The following RYR2 variants were observed in gnomAD, a reference collection of about 807,000 sequenced individuals.
RYR2 encodes the protein ryanodine receptor 2.
A neutral mutation model predicts 601.1 loss-of-function variants in RYR2; 227 were observed. The observed-to-expected ratio is 0.38, with a 90% CI of 0.34 to 0.42. The LOEUF (loss-of-function observed/expected upper bound fraction) is 0.42. Among genes scored for constraint, RYR2 ranks in the 10% least tolerant of loss-of-function variants. RYR2 has a pLI of 1.00. For missense variants in RYR2, 4,646 were observed against 6,156.5 expected, an observed-to-expected ratio of 0.75 and a Z score of 8.21; for synonymous variants, 2,223 against 2,175.1, an observed-to-expected ratio of 1.02 and a Z score of -0.61.
In RYR2 at chr1:237,506,812, C is replaced by G. The variant is rs754520058; in HGVS notation, c.2716C>G (p.Pro906Ala). Reference protein sequence around the residue: ...NKIELGWQYGPVRDDNKRQHP... With the variant: ...NKIELGWQYGAVRDDNKRQHP... ...AATTGAGCTTGGCTGGCAGTATGGTCCGGTATGTAATTTTGAAATTTATTT... is the reference window on the plus strand; with the variant it reads ...AATTGAGCTTGGCTGGCAGTATGGTGCGGTATGTAATTTTGAAATTTATTT... The change falls in exon 23 of 105, where the codon CCG becomes GCG. Residue 906 changes from proline (P) to alanine (A), a missense_variant and splice_region_variant. By Grantham distance (27) the Pro-to-Ala change is conservative (BLOSUM62 -1). Around this residue, in one of 17 missense-constraint regions of RYR2, gnomAD observed 1,807 missense variants for 2,088.1 expected, o/e 0.87. Coordinates refer to ENST00000366574, the MANE Select transcript of RYR2 (RefSeq NM_001035.3). The G allele has an allele frequency of 9.9e-6, 16 of 1,610,118 alleles. No homozygotes were observed. Among genetic ancestry groups the G allele is most frequent in the Middle Eastern group, 1.6e-4 (1 of 6,080 alleles).
intron 11 of RYR2, among the ~76,000 whole-genome samples, chr1:237,419,062 T>A (rs1165327799): frequency 6.6e-6 from 1 of 152,056 alleles, no homozygotes; most frequent in African/African-American, 2.4e-5. Context: ...CATTGTGTAT[T>A]ATAAAAATGA....
chr1:237,773,409 T>A (rs1252273584), intron 86 of RYR2, 111 bp from the exon 87 acceptor site: 7 of 658,138 alleles, frequency 1.1e-5, no homozygotes, highest in Non-Finnish European at 1.8e-5. Context: ...TTTTGTTTGC[T>A]ACCATATCTA....
At chr1:237,693,854 C>T (rs1325916002) in intron 63 of RYR2, among the ~76,000 whole-genome samples, 1 of 152,132 alleles carries the variant, frequency 6.6e-6, no homozygotes, top group East Asian at 1.9e-4. Context: ...TATGTTGATA[C>T]TTCTAATATC....
intron 1 of RYR2, among the ~76,000 whole-genome samples, chr1:237,171,036 C>G (rs1317921519): frequency 6.6e-6 from 1 of 151,824 alleles, no homozygotes; most frequent in African/African-American, 2.4e-5. Flanking sequence ...AGATCGAGAC[C>G]ATCCTGGCTA....
chr1:237,753,906 G>A (rs1692732640), intron 80 of RYR2, among the ~76,000 whole-genome samples: 1 of 149,436 alleles, frequency 6.7e-6, no homozygotes, highest in African/African-American at 2.5e-5. Flanking sequence ...AAAATTTTCT[G>A]GTTTAGCTTT....
chr1:237,753,234 A>G (rs1692682120), intron 80 of RYR2, among the ~76,000 whole-genome samples: 2 of 152,194 alleles, frequency 1.3e-5, no homozygotes, highest in African/African-American at 4.8e-5. Context: ...CTTTGCACCA[A>G]CTTAATATTT....
intron 10 of RYR2, among the ~76,000 whole-genome samples, chr1:237,416,376 C>T (rs145973022): frequency 1.6e-4 from 24 of 152,242 alleles, no homozygotes; most frequent in Non-Finnish European, 2.5e-4. Flanking sequence ...GGCGTTGGTG[C>T]AGTCATGAAT....
chr1:237,696,565 C>T (rs1687458847), intron 63 of RYR2, among the ~76,000 whole-genome samples: 1 of 142,738 alleles, frequency 7.0e-6, no homozygotes, highest in Admixed American at 7.2e-5. Context: ...CAATCAATTG[C>T]CTATTCTACA....
At chr1:237,123,650 ATTTTTTTTT>A (rs869177997) in intron 1 of RYR2, among the ~76,000 whole-genome samples, 10 of 78,966 alleles carry the variant, frequency 1.3e-4, no homozygotes, top group Non-Finnish European at 1.6e-4. Flanking sequence ...ATCAGTCACT[ATTTTTTTTT>A]TTTTTTTTTT....
intron 101 of RYR2, among the ~76,000 whole-genome samples, chr1:237,821,471 G>C (rs1198364911): frequency 6.6e-6 from 1 of 152,088 alleles, no homozygotes; most frequent in African/African-American, 2.4e-5. Context: ...GAAAGGAATA[G>C]TATCAACATC....
At position 237,621,892 on chromosome 1, in the gene RYR2, G is replaced by A. The variant is rs890265239; in HGVS notation, c.5917-1873G>A. ...ACGACTTAAGGATGAGGGGCAGACA[G>A]AGGGATGTGGGTGTGCTCATGAAAA... On this transcript the variant is annotated intron_variant, in intron 38 of 104. Coordinates refer to ENST00000366574, the MANE Select transcript of RYR2 (RefSeq NM_001035.3). 2.0e-5 allele frequency among the ~76,000 whole-genome samples: 3 copies of A among 152,280 alleles called. No individual in the cohort carries two copies. The East Asian group carries it at 5.8e-4, about 29-fold the overall frequency.
intron 17 of RYR2, among the ~76,000 whole-genome samples, chr1:237,478,225 A>C (rs1030971307): frequency 1.3e-5 from 2 of 152,208 alleles, no homozygotes; most frequent in African/African-American, 4.8e-5. Flanking sequence ...GGAGAAGCAG[A>C]GCTCATAGGT....
At chr1:237,488,679 A>ATACG (rs1662976438) in intron 17 of RYR2, among the ~76,000 whole-genome samples, 2 of 151,898 alleles carry the variant, frequency 1.3e-5, no homozygotes, top group African/African-American at 4.8e-5. Flanking sequence ...TAACTGATAC[A>ATACG]TATATTCTCC....
intron 1 of RYR2, among the ~76,000 whole-genome samples, chr1:237,107,810 G>T (rs1034122906): frequency 1.3e-5 from 2 of 152,172 alleles, no homozygotes; most frequent in Non-Finnish European, 2.9e-5. Context: ...CTTTCCAGAA[G>T]CACGTCACAC....
intron 1 of RYR2, among the ~76,000 whole-genome samples, chr1:237,248,533 A>T (rs962470514): frequency 9.9e-5 from 15 of 152,040 alleles, no homozygotes; most frequent in Non-Finnish European, 1.5e-4. Flanking sequence ...GTTTTTGCTT[A>T]TAATATAGAC....
intron 63 of RYR2, among the ~76,000 whole-genome samples, chr1:237,696,377 T>C (rs969534966): frequency 1.3e-5 from 2 of 152,112 alleles, no homozygotes; most frequent in African/African-American, 4.8e-5. Context: ...TGCATCTTTC[T>C]TATCTTCTCT....
chr1:237,400,728 A>G (rs1282636818), intron 10 of RYR2, among the ~76,000 whole-genome samples: 1 of 152,128 alleles, frequency 6.6e-6, no homozygotes, highest in Non-Finnish European at 1.5e-5. Flanking sequence ...AAACTAATAA[A>G]GGTAGACACT....
chr1:237,672,189 G>A (rs1558189846), intron 58 of RYR2, among the ~76,000 whole-genome samples: 2 of 152,330 alleles, frequency 1.3e-5, no homozygotes, highest in Non-Finnish European at 2.9e-5. Context: ...CTAGTTCAAT[G>A]AAGGTCGAAG....
At position 237,558,997 on chromosome 1, in the gene RYR2, C is replaced by CTT. The variant is rs56718406; in HGVS notation, c.3215-7557_3215-7556dup. Among the ~76,000 whole-genome samples the CTT allele has an allele frequency of 3.1e-4, 44 of 141,090 alleles. 1 individual carries two copies. Among genetic ancestry groups the CTT allele is most frequent in the South Asian group, 1.6e-3 (7 of 4,422 alleles). 92.6% of individuals were successfully genotyped at this position (141,090 alleles called of 152,430 possible). A position where few individuals can be genotyped will look rare whatever the true frequency, so the allele number is the denominator to read the frequency against. On this transcript the variant is annotated intron_variant, in intron 27 of 104. Transcript: ENST00000366574. ...TATTTGGTGAAGCATCATTTTTGTA[C>CTT]TTTTTTTTTTTTTTGAGATGGAGTT...
Sources: allele counts gnomAD v4.1 joint callset (sites outside exome capture counted in the v4.1 genomes callset), GRCh38; gene constraint gnomAD v4.1.1; regional missense constraint gnomAD v4.1.1; transcripts MANE v1.5; gene names NCBI Gene and HGNC (gene_info 2026-07-23, HGNC 2026-07-21).